The following CPQ variants were observed in gnomAD, a reference collection of about 807,000 sequenced individuals.
The protein encoded by CPQ is Ser-Met dipeptidase.
Under a neutral mutation model 45.7 loss-of-function variants are expected in CPQ, and 37 were observed. The ratio of observed to expected loss-of-function variants is 0.81; its 90% CI spans 0.62 to 1.07. The LOEUF is 1.07. Among genes scored for constraint, CPQ ranks in the 50% least tolerant of loss-of-function variants. The pLI, the probability that CPQ is intolerant of heterozygous loss-of-function variation, is 0.00. For missense variants in CPQ, 537 were observed against 572.9 expected, an observed-to-expected ratio of 0.94 and a Z score of 0.64; for synonymous variants, 186 against 205.8, an observed-to-expected ratio of 0.90 and a Z score of 0.82.
intron 4 of CPQ, among the ~76,000 whole-genome samples, chr8:96,942,429 C>G (rs1001010654): frequency 5.9e-5 from 9 of 152,246 alleles, no homozygotes; most frequent in African/African-American, 2.2e-4. Context: ...TCTTTGGTCC[C>G]AGCGAGATTT....
At chr8:96,663,851 T>C (rs1657768028) in intron 1 of CPQ, among the ~76,000 whole-genome samples, 2 of 152,140 alleles carry the variant, frequency 1.3e-5, no homozygotes, top group Non-Finnish European at 2.9e-5. Flanking sequence ...CTTGGACACA[T>C]GCTGTAGAAA....
At chr8:97,128,362 T>C (rs1014619518) in intron 7 of CPQ, among the ~76,000 whole-genome samples, 2 of 152,170 alleles carry the variant, frequency 1.3e-5, no homozygotes, top group African/African-American at 4.8e-5. Flanking sequence ...GGTGGGTGCT[T>C]GGTGCAACTG....
chr8:96,694,164 C>A (rs1201821494), intron 1 of CPQ, among the ~76,000 whole-genome samples: 4 of 151,754 alleles, frequency 2.6e-5, no homozygotes, highest in Non-Finnish European at 5.9e-5. Context: ...GATAAAATGA[C>A]CTTCACAAAA....
At chr8:96,689,673 G>A (rs948042652) in intron 1 of CPQ, among the ~76,000 whole-genome samples, 2 of 151,624 alleles carry the variant, frequency 1.3e-5, no homozygotes, top group African/African-American at 2.4e-5. Context: ...CTTTTCTCTA[G>A]ATGGGAAAAA....
chr8:96,896,067 T>TATGAGGGCACTGGAATCAAAGCAA (rs1341237224), intron 4 of CPQ, among the ~76,000 whole-genome samples: 1 of 152,136 alleles, frequency 6.6e-6, no homozygotes, highest in Non-Finnish European at 1.5e-5. Flanking sequence ...CTTGACTGGT[T>TATGAGGGCACTGGAATCAAAGCAA]ATGAGGGCAC....
At chr8:96,793,398 G>A (rs1378623288) in intron 2 of CPQ, among the ~76,000 whole-genome samples, 1 of 151,972 alleles carries the variant, frequency 6.6e-6, no homozygotes, top group Non-Finnish European at 1.5e-5. Context: ...AGCTTGTGCA[G>A]GGAACTCCCC....
intron 1 of CPQ, among the ~76,000 whole-genome samples, chr8:96,720,543 G>A (rs1015853544): frequency 1.3e-5 from 2 of 152,092 alleles, no homozygotes; most frequent in African/African-American, 4.8e-5. Flanking sequence ...TAAATTACTA[G>A]GACTTAACTT....
intron 5 of CPQ, among the ~76,000 whole-genome samples, chr8:96,984,574 T>G (rs1213711032): frequency 1.3e-5 from 2 of 152,228 alleles, no homozygotes; most frequent in South Asian, 2.1e-4. Flanking sequence ...GCCTTGATCT[T>G]GAACTTGTCA....
chr8:96,985,979 C>A (rs1257729204), intron 5 of CPQ, among the ~76,000 whole-genome samples: 2 of 152,134 alleles, frequency 1.3e-5, no homozygotes, highest in East Asian at 1.9e-4. Flanking sequence ...TTCATAGAGT[C>A]CCTTTCGTGA....
rs60745622 is a variant in CPQ at position 96,926,576 on chromosome 8, C to CTCTTCTTCTTCTTCTTCTTCTTCT, written c.850-39334_850-39311dup. On this transcript the variant is annotated intron_variant, in intron 4 of 7. Transcript: ENST00000220763. The stretch of plus-strand genomic sequence containing the variant: ...CCTCTTCCTCTTCCTCTTCCTCTTC[C>CTCTTCTTCTTCTTCTTCTTCTTCT]TCTTCTTCTTCTTCTTCTTCTTCTT... 9.7e-3 allele frequency among the ~76,000 whole-genome samples: 728 copies of CTCTTCTTCTTCTTCTTCTTCTTCT among 75,006 alleles called. 25 individuals are homozygous for CTCTTCTTCTTCTTCTTCTTCTTCT. Among genetic ancestry groups the CTCTTCTTCTTCTTCTTCTTCTTCT allele is most frequent in the East Asian group, 0.023 (76 of 3,250 alleles). 49.2% of individuals were successfully genotyped at this position (75,006 alleles called of 152,430 possible).
chr8:97,049,520 G>A (rs1315176872), intron 6 of CPQ, among the ~76,000 whole-genome samples: 1 of 152,084 alleles, frequency 6.6e-6, no homozygotes, highest in Non-Finnish European at 1.5e-5. Context: ...TCAAATAATT[G>A]CATTCTCAAA....
intron 7 of CPQ, among the ~76,000 whole-genome samples, chr8:97,085,063 A>T (rs1811018322): frequency 6.6e-6 from 1 of 151,924 alleles, no homozygotes; most frequent in South Asian, 2.1e-4. Context: ...CTGGGGTCAG[A>T]CTTCTTTATA....
chr8:97,040,036 T>C (rs532291242), intron 6 of CPQ, among the ~76,000 whole-genome samples: 1 of 151,848 alleles, frequency 6.6e-6, no homozygotes, highest in South Asian at 2.1e-4. Flanking sequence ...TTTCTAGTTC[T>C]AGATCCCTGA....
chr8:96,666,829 A>G (rs1274327247), intron 1 of CPQ, among the ~76,000 whole-genome samples: 1 of 152,130 alleles, frequency 6.6e-6, no homozygotes, highest in Non-Finnish European at 1.5e-5. Flanking sequence ...CTCAGTGTTA[A>G]AAACCAAACT....
intron 1 of CPQ, among the ~76,000 whole-genome samples, chr8:96,740,404 G>T (rs558864348): frequency 7.9e-5 from 12 of 152,184 alleles, no homozygotes; most frequent in African/African-American, 2.2e-4. Flanking sequence ...CATGTCATCT[G>T]CAAACAGGGA....
At chr8:96,747,840 G>A (rs946032745) in intron 1 of CPQ, among the ~76,000 whole-genome samples, 1 of 152,138 alleles carries the variant, frequency 6.6e-6, no homozygotes, top group Non-Finnish European at 1.5e-5. Flanking sequence ...AGTGGCACTT[G>A]TTTATCTGCC....
At chr8:96,706,981 T>C (rs1006098333) in intron 1 of CPQ, among the ~76,000 whole-genome samples, 2 of 152,158 alleles carry the variant, frequency 1.3e-5, no homozygotes, top group East Asian at 1.9e-4. Flanking sequence ...AAAACCCAGA[T>C]TGACGTCTCT....
intron 5 of CPQ, among the ~76,000 whole-genome samples, chr8:96,988,955 C>T (rs1045578363): frequency 2.0e-5 from 3 of 152,060 alleles, no homozygotes; most frequent in Non-Finnish European, 4.4e-5. Flanking sequence ...TTGCCAAATA[C>T]TTGTTGTATA....
chr8:96,776,909 G>A (rs1039081697), intron 1 of CPQ, among the ~76,000 whole-genome samples: 1 of 152,142 alleles, frequency 6.6e-6, no homozygotes. Context: ...ACATTTTGAA[G>A]GGTATAACAT....
Sources: allele counts gnomAD v4.1 joint callset (sites outside exome capture counted in the v4.1 genomes callset), GRCh38; gene constraint gnomAD v4.1.1; transcripts MANE v1.5; gene names NCBI Gene and HGNC (gene_info 2026-07-23, HGNC 2026-07-21).